Variants in VRK1 observed in about 807,000 individuals in gnomAD.
The protein encoded by VRK1 is VRK serine/threonine kinase 1, also known as serine/threonine-protein kinase VRK1.
VRK1 carries 33 observed loss-of-function variants against 57.1 expected under a neutral mutation model. The observed-to-expected ratio is 0.58, with a 90% CI of 0.44 to 0.77. VRK1 has a LOEUF of 0.77. Ranked by LOEUF, VRK1 falls within the 30% of genes least tolerant of loss-of-function variation. The probability of loss-of-function intolerance (pLI) is 0.00; values close to 1 mark genes in which losing one functional copy is unlikely to be tolerated. For synonymous variants in VRK1, 137 were observed against 147.8 expected (o/e 0.93, Z 0.53); for missense variants, 413 against 477.3 (o/e 0.87, Z 1.25).
At chr14:96,860,998 G>A (rs1034819954) in intron 11 of VRK1, 15 of 288,280 alleles carry the variant, frequency 5.2e-5, no homozygotes, top group Admixed American at 9.3e-5. Context: ...AAATTTTGAT[G>A]GTGCACTGAA....
intron 3 of VRK1, among the ~76,000 whole-genome samples, chr14:96,845,071 C>T (rs1041431238): frequency 6.6e-6 from 1 of 152,150 alleles, no homozygotes; most frequent in Non-Finnish European, 1.5e-5. Flanking sequence ...CCCCAATGCT[C>T]TATTTAACTT....
chr14:96,869,526 T>G (rs1465881285), intron 11 of VRK1, among the ~76,000 whole-genome samples: 2 of 152,226 alleles, frequency 1.3e-5, no homozygotes. Flanking sequence ...AAGTTGATTT[T>G]TGCAGTGAAA....
At chr14:96,815,174 A>C (rs1413460154) in intron 1 of VRK1, among the ~76,000 whole-genome samples, 1 of 152,182 alleles carries the variant, frequency 6.6e-6, no homozygotes, top group Non-Finnish European at 1.5e-5. Flanking sequence ...ATAACTAAAA[A>C]ATGTCATTTT....
intron 12 of VRK1, chr14:96,877,657 A>C (rs918653885): frequency 7.8e-7 from 1 of 1,283,854 alleles, no homozygotes; most frequent in African/African-American, 1.5e-5. Context: ...AAAACTGGCA[A>C]TTTTAGTTTC....
intron 7 of VRK1, 33 bp from the exon 8 acceptor site, chr14:96,855,191 C>G: frequency 6.2e-7 from 1 of 1,613,580 alleles, no homozygotes. Context: ...GTGATTTTGA[C>G]TTTAGTTTGT....
At chr14:96,880,861 A>C (rs1441423925) in intron 12 of VRK1, among the ~76,000 whole-genome samples, 1 of 152,208 alleles carries the variant, frequency 6.6e-6, no homozygotes, top group East Asian at 1.9e-4. Flanking sequence ...TTTTACAACA[A>C]ATTTAAATTT....
intron 12 of VRK1, among the ~76,000 whole-genome samples, chr14:96,880,149 A>G (rs954015421): frequency 6.6e-6 from 1 of 152,180 alleles, no homozygotes; most frequent in Non-Finnish European, 1.5e-5. Flanking sequence ...GTATGATTGA[A>G]TAGAAACTAT....
rs535774448 is a variant in VRK1, at chr14:96,829,140, G to C, written c.-5-4327G>C. On this transcript the variant is annotated intron_variant, in intron 1 of 12. Coordinates refer to ENST00000216639, the MANE Select transcript of VRK1 (RefSeq NM_003384.3). ...AAGACTAATAATTCAAAAGAAAAAT[G>C]AGCCGAGGTTACTCATAGTTTACAG... 2.6e-5 allele frequency among the ~76,000 whole-genome samples: 4 copies of C among 151,964 alleles called. No homozygotes were observed. The South Asian group carries it at 8.3e-4, about 32-fold the overall frequency.
At chr14:96,858,430 C>G (rs1393809083) in intron 10 of VRK1, among the ~76,000 whole-genome samples, 1 of 152,124 alleles carries the variant, frequency 6.6e-6, no homozygotes, top group Non-Finnish European at 1.5e-5. Context: ...TCCTCATTGT[C>G]ATTTCTATAT....
In VRK1 at chr14:96,862,803, CTG is replaced by C. The variant is rs142998698; in HGVS notation, c.1068+2070_1068+2071del. On this transcript the variant is annotated intron_variant, in intron 11 of 12. Coordinates refer to ENST00000216639, the MANE Select transcript of VRK1 (RefSeq NM_003384.3). Reference sequence around the variant, plus strand: ...TAAATATGATGCTTAGTTCTAGAAACTGTTAATTTTAATAATTAGTACATTTG... The same window carrying C: ...TAAATATGATGCTTAGTTCTAGAAACTTAATTTTAATAATTAGTACATTTG... Among the ~76,000 whole-genome samples, 1,254 of 152,164 alleles carry C rather than the reference CTG, an allele frequency of 8.2e-3. 18 individuals are homozygous for C. Among genetic ancestry groups the C allele is most frequent in the African/African-American group, 0.029 (1,191 of 41,500 alleles).
intron 1 of VRK1, among the ~76,000 whole-genome samples, chr14:96,812,400 T>G (rs1886240376): frequency 1.3e-5 from 2 of 152,216 alleles, no homozygotes; most frequent in South Asian, 4.1e-4. Context: ...TCTCTCTAGA[T>G]CCTACCAAAA....
At chr14:96,848,354 G>A (rs933156828) in intron 5 of VRK1, among the ~76,000 whole-genome samples, 2 of 152,108 alleles carry the variant, frequency 1.3e-5, no homozygotes, top group Non-Finnish European at 2.9e-5. Flanking sequence ...ACGTTTTCTT[G>A]GTCAGAATTT....
chr14:96,833,560 C>T lies in VRK1; in HGVS notation c.89C>T (p.Thr30Ile). Residue 30 changes from threonine (T) to isoleucine (I), a missense_variant, in exon 2 of 13, where the codon ACT (threonine) becomes ATT (isoleucine). By Grantham distance (89) the Thr-to-Ile change is moderately conservative (BLOSUM62 -1). Coordinates refer to ENST00000216639, the MANE Select transcript of VRK1 (RefSeq NM_003384.3). ...AEQFAVGEII[T>I]DMAKKEWKVG... ...CAATTTGCAGTTGGAGAGATAATAACTGACATGGCAAAAAAGGAATGGAAA... is the reference window on the plus strand; with the variant it reads ...CAATTTGCAGTTGGAGAGATAATAATTGACATGGCAAAAAAGGAATGGAAA... The T allele has an allele frequency of 6.2e-7, 1 of 1,613,848 alleles. No individual in the cohort carries two copies. The highest frequency in any genetic ancestry group is 1.1e-5 in the South Asian group (1 of 91,086).
chr14:96,853,624 C>T (rs1337237542), intron 7 of VRK1, among the ~76,000 whole-genome samples: 1 of 151,820 alleles, frequency 6.6e-6, no homozygotes, highest in African/African-American at 2.4e-5. Flanking sequence ...TTTGTATACC[C>T]TTAGTGTTTG....
chr14:96,857,746 G>C (rs1888223886), intron 10 of VRK1, among the ~76,000 whole-genome samples: 2 of 152,090 alleles, frequency 1.3e-5, no homozygotes, highest in Non-Finnish European at 1.5e-5. Flanking sequence ...TTTTCAGGGA[G>C]GTCTATCCTG....
intron 10 of VRK1, 25 bp from the exon 11 acceptor site, chr14:96,860,532 T>C: frequency 1.9e-6 from 3 of 1,600,200 alleles, no homozygotes; most frequent in Non-Finnish European, 2.6e-6. Context: ...TTGAAAGTTA[T>C]AAAATGATTG....
intron 12 of VRK1, among the ~76,000 whole-genome samples, chr14:96,879,535 G>A (rs17094593): frequency 0.015 from 2,249 of 152,216 alleles, 65 homozygotes; most frequent in African/African-American, 0.051. Flanking sequence ...GTGTTGAAAG[G>A]GAGATATAGT....
intron 1 of VRK1, among the ~76,000 whole-genome samples, chr14:96,830,920 A>G (rs986428235): frequency 1.3e-5 from 2 of 152,234 alleles, no homozygotes; most frequent in South Asian, 2.1e-4. Flanking sequence ...CTTCATCCCT[A>G]GCAGTTTCTC....
chr14:96,878,009 C>T (rs1436326335), intron 12 of VRK1, among the ~76,000 whole-genome samples: 2 of 151,874 alleles, frequency 1.3e-5, no homozygotes, highest in African/African-American at 4.8e-5. Context: ...TTTTTTTGAC[C>T]TAACTTTTTC....
Sources: gnomAD v4.1 joint callset for allele counts (sites outside exome capture counted in the v4.1 genomes callset) on GRCh38, gnomAD v4.1.1 for gene constraint, MANE v1.5 for transcripts, NCBI Gene and HGNC (gene_info 2026-07-23, HGNC 2026-07-21) for gene names.